The following ZNF385D variants were observed in gnomAD, a reference collection of about 807,000 sequenced individuals.
ZNF385D encodes the protein zinc finger protein 385D, also known as zinc finger protein 659.
ZNF385D carries 15 observed loss-of-function variants against 35.8 expected under a neutral mutation model. The observed-to-expected ratio is 0.42, with a 90% CI of 0.28 to 0.64. The LOEUF is 0.64. ZNF385D is among the 30% of genes least tolerant of loss of function. The pLI is 0.23. For synonymous variants in ZNF385D, 212 were observed against 186.8 expected (o/e 1.13, Z -1.10); for missense variants, 474 against 494.6 (o/e 0.96, Z 0.39).
intron 3 of ZNF385D, among the ~76,000 whole-genome samples, chr3:22,045,225 G>C (rs998886691): frequency 2.6e-5 from 4 of 151,920 alleles, no homozygotes; most frequent in East Asian, 1.9e-4. Context: ...TATAGATCCA[G>C]GTCTTATATT....
Position 21,656,964 on chromosome 3 carries a change from A to G in ZNF385D, c.165+7922T>C, listed in dbSNP as rs527580219. ...TATTTACTCAAAATCCCAGTTACTA[A>G]GAAACTCACAGTAGGAAACAGGCCA... On this transcript the variant is annotated intron_variant, in intron 2 of 7. Coordinates refer to ENST00000281523, the MANE Select transcript of ZNF385D (RefSeq NM_024697.3). Among the ~76,000 whole-genome samples, 13 of 152,022 alleles carry G rather than the reference A, an allele frequency of 8.6e-5. No individual in the cohort carries two copies. In the South Asian group the frequency reaches 2.7e-3, roughly 32 times the overall value.
intron 4 of ZNF385D, 71 bp from the exon 5 acceptor site, chr3:21,437,274 C>G (rs1701604272): frequency 2.2e-6 from 3 of 1,393,036 alleles, no homozygotes; most frequent in Non-Finnish European, 3.0e-6. Context: ...AGGAATGTAT[C>G]ATGAATATTG....
intron 3 of ZNF385D, among the ~76,000 whole-genome samples, chr3:21,563,946 G>A (rs1317015788): frequency 6.6e-6 from 1 of 152,074 alleles, no homozygotes; most frequent in Admixed American, 6.6e-5. Flanking sequence ...TGGTAGAAAA[G>A]GTGTGAATAA....
chr3:21,854,136 C>T (rs546991026), intron 3 of ZNF385D, among the ~76,000 whole-genome samples: 1 of 152,024 alleles, frequency 6.6e-6, no homozygotes, highest in East Asian at 1.9e-4. Flanking sequence ...ACCCATATTA[C>T]TTAGCATGCA....
chr3:22,130,323 C>G (rs77656048), intron 3 of ZNF385D, among the ~76,000 whole-genome samples: 2,715 of 152,248 alleles, frequency 0.018, 25 homozygotes, highest in Middle Eastern at 0.034. Flanking sequence ...GTCATATGTA[C>G]CCAACGTCCA....
At chr3:21,865,866 T>G (rs1293086527) in intron 3 of ZNF385D, among the ~76,000 whole-genome samples, 1 of 152,122 alleles carries the variant, frequency 6.6e-6, no homozygotes, top group South Asian at 2.1e-4. Context: ...ATAAATATTG[T>G]ATTTGCAGCT....
At chr3:21,984,880 A>T (rs1004972650) in intron 3 of ZNF385D, among the ~76,000 whole-genome samples, 3 of 138,638 alleles carry the variant, frequency 2.2e-5, no homozygotes, top group African/African-American at 7.6e-5. Flanking sequence ...GAGGTCCTTC[A>T]CGTCCCTTGT....
intron 2 of ZNF385D, among the ~76,000 whole-genome samples, chr3:22,367,776 C>A (rs574269272): frequency 3.3e-5 from 5 of 151,910 alleles, no homozygotes; most frequent in Non-Finnish European, 5.9e-5. Context: ...ATACAAATTG[C>A]GGAGAATAAC....
rs536506928 is a variant in ZNF385D, at chr3:22,115,203, C to T, written c.325+53614G>A. ...GAAGTCATTGGTAGAAACTGATCAC[C>T]GAGCAGATTTGGTCAGGCCATGAGC... is the stretch of plus-strand genomic sequence containing the variant. On this transcript the variant is annotated intron_variant, in intron 3 of 5. Transcript: ENST00000494108. Among the ~76,000 whole-genome samples, 21 of 152,034 alleles carry T rather than the reference C, an allele frequency of 1.4e-4. 2 individuals are homozygous for T. The South Asian group carries it at 3.5e-3, about 26-fold the overall frequency.
rs150882189 is a variant in ZNF385D at position 21,991,375 on chromosome 3, C to T, written c.325+177442G>A. Among the ~76,000 whole-genome samples, 612 of 152,264 alleles carry T rather than the reference C, an allele frequency of 4.0e-3. 7 individuals are homozygous for T. The highest frequency in any genetic ancestry group is 0.014 in the African/African-American group (577 of 41,546). ...AGCTTTCAGATCTATAGCCACATGCCACCACAAAGCCGTGAATTTTCTAAG... is the reference window on the plus strand; with the variant it reads ...AGCTTTCAGATCTATAGCCACATGCTACCACAAAGCCGTGAATTTTCTAAG... On this transcript the variant is annotated intron_variant, in intron 3 of 5. Transcript: ENST00000494108.
intron 3 of ZNF385D, among the ~76,000 whole-genome samples, chr3:21,789,053 A>T (rs970282562): frequency 3.3e-5 from 5 of 152,212 alleles, no homozygotes; most frequent in African/African-American, 4.8e-5. Context: ...AAGCAAGAAA[A>T]AAAAATTAAG....
intron 3 of ZNF385D, among the ~76,000 whole-genome samples, chr3:21,807,436 T>C (rs1262705859): frequency 6.6e-6 from 1 of 152,156 alleles, no homozygotes; most frequent in African/African-American, 2.4e-5. Flanking sequence ...GGTATTCTAG[T>C]TGTGATTTGA....
At chr3:21,864,508 A>G (rs2125835119) in intron 3 of ZNF385D, among the ~76,000 whole-genome samples, 1 of 152,220 alleles carries the variant, frequency 6.6e-6, no homozygotes, top group East Asian at 1.9e-4. Flanking sequence ...TATGGACAGA[A>G]TGCACACTTT....
At chr3:22,070,208 T>G (rs997714541) in intron 3 of ZNF385D, among the ~76,000 whole-genome samples, 2 of 152,154 alleles carry the variant, frequency 1.3e-5, no homozygotes, top group African/African-American at 4.8e-5. Flanking sequence ...TTTAAATCAG[T>G]GGCCCCATCC....
intron 3 of ZNF385D, among the ~76,000 whole-genome samples, chr3:21,973,547 T>C (rs908963180): frequency 1.3e-5 from 2 of 151,942 alleles, no homozygotes; most frequent in African/African-American, 4.8e-5. Flanking sequence ...TTATTCAACA[T>C]AGTACTGGAA....
rs149474125 is a variant in ZNF385D, at chr3:21,680,798, C to A, written c.23-15770G>T. Among the ~76,000 whole-genome samples, 15 of 152,022 alleles carry A rather than the reference C, an allele frequency of 9.9e-5. No individual in the cohort carries two copies. In the East Asian group the frequency reaches 2.9e-3, roughly 30 times the overall value. On this transcript the variant is annotated intron_variant, in intron 1 of 7. Transcript: ENST00000281523. ...CCTATAGCTTAAGAATTCCATTAGT[C>A]TAGCCAAAATTTTAGTTGGTTATTT... is the stretch of plus-strand genomic sequence containing the variant.
At chr3:22,182,381 T>C (rs1228229201) in intron 2 of ZNF385D, among the ~76,000 whole-genome samples, 1 of 152,122 alleles carries the variant, frequency 6.6e-6, no homozygotes, top group Admixed American at 6.6e-5. Flanking sequence ...GAGTAAAAGT[T>C]GAAAGAAATA....
intron 3 of ZNF385D, among the ~76,000 whole-genome samples, chr3:21,791,680 T>C (rs2071931499): frequency 6.6e-6 from 1 of 152,224 alleles, no homozygotes; most frequent in Non-Finnish European, 1.5e-5. Flanking sequence ...ATACAAAGTT[T>C]AGAAAGTTTA....
chr3:21,526,256 T>C (rs1708215990), intron 3 of ZNF385D, among the ~76,000 whole-genome samples: 1 of 152,014 alleles, frequency 6.6e-6, no homozygotes, highest in Non-Finnish European at 1.5e-5. Flanking sequence ...TTAAAGTTGT[T>C]TATCTGTAGT....
Sources: allele counts gnomAD v4.1 joint callset (sites outside exome capture counted in the v4.1 genomes callset), GRCh38; gene constraint gnomAD v4.1.1; transcripts MANE v1.5; gene names NCBI Gene and HGNC (gene_info 2026-07-23, HGNC 2026-07-21).